Variants in SLC7A10 observed in about 807,000 individuals in gnomAD.
The protein encoded by SLC7A10 is solute carrier family 7 member 10, also known as asc-type amino acid transporter 1.
SLC7A10 carries 30 observed loss-of-function variants against 52.7 expected under a neutral mutation model. The observed-to-expected ratio is 0.57, with a 90% CI of 0.43 to 0.77. The LOEUF (loss-of-function observed/expected upper bound fraction) is 0.77, where lower values mean the gene tolerates loss of function less well. SLC7A10 is among the 30% of genes least tolerant of loss of function. The pLI is 0.00. For missense variants in SLC7A10, 581 were observed against 698.5 expected, an observed-to-expected ratio of 0.83 and a Z score of 1.90; for synonymous variants, 318 against 314.9, an observed-to-expected ratio of 1.01 and a Z score of -0.10.
chr19:33,225,819 C>T lies in SLC7A10; in HGVS notation c.-116G>A. 1 of 1,191,892 alleles carries T rather than the reference C, an allele frequency of 8.4e-7. No homozygotes were observed. The highest frequency in any genetic ancestry group is 1.1e-6 in the Non-Finnish European group (1 of 939,428). The allele number at this position is 1,191,892 out of a possible 1,614,324, so 73.8% of individuals were successfully genotyped here. A position where few individuals can be genotyped will look rare whatever the true frequency, so the allele number is the denominator to read the frequency against. ...TCGCAGCCGGGACAGCGCCCACAGG[C>T]GGGCGCATGCGCTGGCTCCGGGCCC... is the stretch of plus-strand genomic sequence containing the variant. On this transcript the variant is annotated 5_prime_UTR_variant, in exon 1 of 11. Transcript: ENST00000253188.
intron 1 of SLC7A10, among the ~76,000 whole-genome samples, chr19:33,224,563 C>T (rs1974882075): frequency 6.6e-6 from 1 of 152,058 alleles, no homozygotes; most frequent in Non-Finnish European, 1.5e-5. Context: ...GCAGTGAAGA[C>T]ACAAGTGGCT....
At chr19:33,218,672 T>C (rs185136680) in intron 1 of SLC7A10, among the ~76,000 whole-genome samples, 625 of 66,284 alleles carry the variant, frequency 9.4e-3, no homozygotes, top group South Asian at 0.018. Context: ...TTTCTTTCTT[T>C]CTTTCTTTCT....
At chr19:33,215,382 C>G (rs1974649588) in intron 2 of SLC7A10, among the ~76,000 whole-genome samples, 1 of 152,156 alleles carries the variant, frequency 6.6e-6, no homozygotes, top group African/African-American at 2.4e-5. Flanking sequence ...CCCTCCTCGC[C>G]TGGGCACTCA....
intron 1 of SLC7A10, chr19:33,220,793 A>T (rs1326172252): frequency 6.6e-6 from 1 of 152,246 alleles, no homozygotes; most frequent in Non-Finnish European, 1.5e-5. Flanking sequence ...TTCCCTGATG[A>T]ATAAATGGCA....
chr19:33,224,536 G>A (rs555499368), intron 1 of SLC7A10, among the ~76,000 whole-genome samples: 5 of 152,120 alleles, frequency 3.3e-5, no homozygotes, highest in Admixed American at 2.0e-4. Flanking sequence ...CATCTCCAGG[G>A]GTCTGAGGGT....
rs1284610568 is a variant in SLC7A10, at chr19:33,212,399, C to T, written c.681G>A (p.Met227Ile). The change falls in exon 5 of 11, where the codon ATG (methionine) becomes ATA (isoleucine). Residue 227 changes from methionine (M) to isoleucine (I), a missense_variant. Met to Ile is a conservative substitution (Grantham distance 10). Coordinates refer to ENST00000253188, the MANE Select transcript of SLC7A10 (RefSeq NM_019849.3). ...GGGCCAGGTGTCCCACGGAGGGCGT[C>T]ATCCAGAAAGCAAAGGCATTGCTGG... ...LRPSNAFAFW[M>I]TPSVGHLALA... 1 of 1,613,818 alleles carries T rather than the reference C, an allele frequency of 6.2e-7. No homozygotes were observed. The highest frequency in any genetic ancestry group is 1.3e-5 in the African/African-American group (1 of 74,962).
chr19:33,212,720 G>A (rs1264322692), intron 3 of SLC7A10, 81 bp from the exon 4 acceptor site: 26 of 1,611,028 alleles, frequency 1.6e-5, no homozygotes, highest in South Asian at 8.8e-5. Flanking sequence ...CAGGCGGCCC[G>A]AGAATGGCAT....
At chr19:33,216,880 T>G (rs773699228) in intron 1 of SLC7A10, among the ~76,000 whole-genome samples, 30 of 148,974 alleles carry the variant, frequency 2.0e-4, no homozygotes, top group Non-Finnish European at 3.6e-4. Context: ...GTGCCCAGCT[T>G]CTTTCTTTCA....
At chr19:33,218,087 C>G (rs1038294133) in intron 1 of SLC7A10, among the ~76,000 whole-genome samples, 1 of 152,136 alleles carries the variant, frequency 6.6e-6, no homozygotes, top group Non-Finnish European at 1.5e-5. Flanking sequence ...TGGAAGCCAG[C>G]GGGGGCTGGG....
At chr19:33,217,040 T>TA (rs1182640006) in intron 1 of SLC7A10, among the ~76,000 whole-genome samples, 1 of 152,020 alleles carries the variant, frequency 6.6e-6, no homozygotes, top group African/African-American at 2.4e-5. Context: ...ACCCAGGTTT[T>TA]TTTTTTTTTT....
intron 1 of SLC7A10, among the ~76,000 whole-genome samples, chr19:33,218,159 C>T (rs1425286292): frequency 6.6e-6 from 1 of 152,122 alleles, no homozygotes; most frequent in Non-Finnish European, 1.5e-5. Flanking sequence ...AGCCACCCAC[C>T]CTGCAGAGAG....
chr19:33,210,113 T>C lies in SLC7A10; in HGVS notation c.1263+354A>G, dbSNP rs1974510128. Among the ~76,000 whole-genome samples the C allele has an allele frequency of 6.6e-6, 1 of 151,978 alleles. No individual in the cohort carries two copies. Among genetic ancestry groups the C allele is most frequent in the Non-Finnish European group, 1.5e-5 (1 of 68,000 alleles). On this transcript the variant is annotated intron_variant, in intron 9 of 10. Transcript: ENST00000253188. The surrounding 1 kb of genome is among the most constrained non-coding windows in gnomAD (Gnocchi z 5.6). Reference sequence around the variant, plus strand: ...GCACCACCACACCAGGCTAACCCTTTTATTTTTAACTTTTTGCAGAGAGGA... The same window carrying C: ...GCACCACCACACCAGGCTAACCCTTCTATTTTTAACTTTTTGCAGAGAGGA...
At chr19:33,223,497 G>A (rs898267864) in intron 1 of SLC7A10, among the ~76,000 whole-genome samples, 1 of 151,976 alleles carries the variant, frequency 6.6e-6, no homozygotes, top group South Asian at 2.1e-4. Context: ...CTGGGGAGGG[G>A]AGACCCTTAG....
At chr19:33,215,631 C>CCCCCACCCCTTCTCTCCATCCAG in intron 2 of SLC7A10, 138 bp downstream of exon 2, 3 of 444,176 alleles carry the variant, frequency 6.8e-6, no homozygotes, top group East Asian at 5.3e-5. Context: ...TCTCCATCCA[C>CCCCCACCCCTTCTCTCCATCCAG]CCCCCACACC....
intron 1 of SLC7A10, among the ~76,000 whole-genome samples, chr19:33,224,645 C>T (rs1306749876): frequency 6.6e-6 from 1 of 152,134 alleles, no homozygotes; most frequent in Non-Finnish European, 1.5e-5. Flanking sequence ...TCACTCACCC[C>T]CCAAACCACT....
At chr19:33,212,238 G>GTC in intron 5 of SLC7A10, 54 bp downstream of exon 5, 1 of 1,560,654 alleles carries the variant, frequency 6.4e-7, no homozygotes, top group Non-Finnish European at 8.7e-7. Flanking sequence ...GAGGCTGCCT[G>GTC]TCCCACCAGA....
At chr19:33,212,217 G>A (rs1249892006) in intron 5 of SLC7A10, 75 bp downstream of exon 5, 1 of 1,548,580 alleles carries the variant, frequency 6.5e-7, no homozygotes, top group African/African-American at 1.4e-5. Flanking sequence ...GTGGCAGTGG[G>A]GCTGGGCGGA....
At chr19:33,217,343 A>AC (rs1310656609) in intron 1 of SLC7A10, among the ~76,000 whole-genome samples, 1 of 152,166 alleles carries the variant, frequency 6.6e-6, no homozygotes, top group Non-Finnish European at 1.5e-5. Context: ...GGAAACATTC[A>AC]GGGGGGCCAA....
chr19:33,208,959 C>T lies in SLC7A10; in HGVS notation c.1504G>A (p.Glu502Lys), dbSNP rs753384072. Residue 502 changes from glutamate (E) to lysine (K), a missense_variant, in exon 11 of 11, where the codon GAG becomes AAG. Transcript: ENST00000253188. The surrounding 1 kb of genome is among the most constrained non-coding windows in gnomAD (Gnocchi z 4.7). Reference sequence around the variant, plus strand: ...GGTGGGCAGGGGCCATTCTCCTCCTCTTCGGGGGCGTCCTGGGGGTAGACC... The same window carrying T: ...GGTGGGCAGGGGCCATTCTCCTCCTTTTCGGGGGCGTCCTGGGGGTAGACC... Reference protein sequence around the residue: ...FVVYPQDAPEEEENGPCPPSL... With the variant: ...FVVYPQDAPEKEENGPCPPSL... The T allele has an allele frequency of 1.1e-5, 17 of 1,613,850 alleles. No homozygotes were observed. The highest frequency in any genetic ancestry group is 1.4e-5 in the Non-Finnish European group (16 of 1,180,034).
Sources: gnomAD v4.1 joint callset for allele counts (sites outside exome capture counted in the v4.1 genomes callset) on GRCh38, gnomAD v4.1.1 for gene constraint, Gnocchi (gnomAD v3.1) non-coding constraint, MANE v1.5 for transcripts, NCBI Gene and HGNC (gene_info 2026-07-23, HGNC 2026-07-21) for gene names.